The following MAOA variants were observed in gnomAD, a reference collection of about 807,000 sequenced individuals.
The protein encoded by MAOA is monoamine oxidase A.
In MAOA, 6 loss-of-function variants were observed where a neutral mutation model predicts 42.0. The ratio of observed to expected loss-of-function variants is 0.14; its 90% confidence interval spans 0.08 to 0.28. The LOEUF (loss-of-function observed/expected upper bound fraction) is 0.28, where lower values mean the gene tolerates loss of function less well. Among genes scored for constraint, MAOA ranks in the 10% least tolerant of loss-of-function variants. MAOA has a pLI of 1.00. For synonymous variants in MAOA, 140 were observed against 154.0 expected (o/e 0.91, Z 0.67); for missense variants, 262 against 422.3 (o/e 0.62, Z 3.33).
upstream of MAOA, chrX:43,656,253 G>T: frequency 2.4e-6 from 2 of 846,044 alleles, no homozygotes; most frequent in Non-Finnish European, 1.7e-6. Flanking sequence ...CCGCCCCCGG[G>T]CTCCCCGGGG....
At chrX:43,706,669 C>T (rs1005749506) in intron 3 of MAOA, among the ~76,000 whole-genome samples, 1 of 99,715 alleles carries the variant, frequency 1.0e-5, no homozygotes, top group African/African-American at 4.9e-5. Context: ...AAAAATTAGC[C>T]ATGCATAGTG....
intron 1 of MAOA, among the ~76,000 whole-genome samples, chrX:43,679,469 A>T (rs2033426002): frequency 9.1e-6 from 1 of 110,463 alleles, no homozygotes; most frequent in South Asian, 3.9e-4. Flanking sequence ...TGGAATATGG[A>T]GATAATGAAA....
rs769008571 is a variant in MAOA at position 43,712,316 on chromosome X, C to T, written c.411+340C>T. Among the ~76,000 whole-genome samples, 4 of 111,134 alleles carry T rather than the reference C, an allele frequency of 3.6e-5. No individual in the cohort carries two copies. The East Asian group carries it at 8.5e-4, about 24-fold the overall frequency. The stretch of plus-strand genomic sequence containing the variant: ...TACAGTTGTCTGTCTGTCTGTAATG[C>T]CATTTTAGATAGTAAAGGAGAGAAG... On this transcript the variant is annotated intron_variant, in intron 4 of 14. Transcript: ENST00000338702.
intron 3 of MAOA, among the ~76,000 whole-genome samples, chrX:43,706,108 T>G (rs1023740742): frequency 1.8e-5 from 2 of 112,288 alleles, no homozygotes; most frequent in Non-Finnish European, 3.8e-5. Flanking sequence ...AATTAAGGGC[T>G]TCTTCTCAGG....
intron 5 of MAOA, among the ~76,000 whole-genome samples, chrX:43,721,561 G>A (rs895474180): frequency 1.2e-4 from 13 of 111,083 alleles, no homozygotes; most frequent in Non-Finnish European, 3.8e-5. Flanking sequence ...GCTATAGCCT[G>A]GACATATTGG....
chrX:43,733,223 A>G (rs2147103727), intron 9 of MAOA, among the ~76,000 whole-genome samples: 1 of 112,595 alleles, frequency 8.9e-6, no homozygotes, highest in African/African-American at 3.2e-5. Flanking sequence ...GATATCTGCT[A>G]CATAGCAAAT....
chrX:43,666,857 A>G (rs893502010), intron 1 of MAOA, among the ~76,000 whole-genome samples: 2 of 109,235 alleles, frequency 1.8e-5, no homozygotes, highest in African/African-American at 3.3e-5. Flanking sequence ...CCTTTTTCCT[A>G]TCTTCCCCAT....
intron 1 of MAOA, among the ~76,000 whole-genome samples, chrX:43,659,353 C>T (rs2033214715): frequency 9.0e-6 from 1 of 111,595 alleles, no homozygotes. Context: ...CTTTAAAATG[C>T]TCTGGTCCTT....
chrX:43,659,664 C>G (rs951436864), intron 1 of MAOA, among the ~76,000 whole-genome samples: 3 of 111,298 alleles, frequency 2.7e-5, no homozygotes, highest in Non-Finnish European at 5.7e-5. Flanking sequence ...CATAGCTTAT[C>G]TGCTCCTGGG....
At chrX:43,680,796 G>A (rs948344994) in intron 1 of MAOA, among the ~76,000 whole-genome samples, 1 of 111,272 alleles carries the variant, frequency 9.0e-6, no homozygotes, top group Admixed American at 9.6e-5. Context: ...CCCCTCATTA[G>A]CTATTTGGTT....
rs774810311 is a variant in MAOA, at chrX:43,677,938, G to A, written c.74-5575G>A. 2.7e-5 allele frequency among the ~76,000 whole-genome samples: 3 copies of A among 111,499 alleles called. No individual in the cohort carries two copies. In the South Asian group the frequency reaches 1.1e-3, roughly 42 times the overall value. The stretch of plus-strand genomic sequence containing the variant: ...TTAGACCTCTTCTCTCAAAAACATG[G>A]GTGAGAGAATCACAAATTTTTGACA... On this transcript the variant is annotated intron_variant, in intron 1 of 14. Transcript: ENST00000338702.
rs2033996263 is a variant in MAOA, at chrX:43,745,970, GCCTAT to G, written c.*1462_*1466del. On this transcript the variant is annotated 3_prime_UTR_variant, in exon 15 of 15. Transcript: ENST00000338702. ...GAGGACATAAATCTTCCAAAGTTTT[GCCTAT>G]CCTAAGAGCTGCATTTTTCTACTGC... is the stretch of plus-strand genomic sequence containing the variant. The G allele has an allele frequency of 9.0e-6, 1 of 111,696 alleles. No individual in the cohort carries two copies. Among genetic ancestry groups the G allele is most frequent in the Non-Finnish European group, 1.9e-5 (1 of 53,144 alleles). The allele number at this position is 111,696 out of a possible 1,213,427, so 9.2% of individuals were successfully genotyped here. A position where few individuals can be genotyped will look rare whatever the true frequency, so the allele number is the denominator to read the frequency against.
chrX:43,699,404 G>A lies in MAOA; in HGVS notation c.306+5976G>A, dbSNP rs144863149. 9.9e-3 allele frequency among the ~76,000 whole-genome samples: 1,068 copies of A among 107,449 alleles called. 14 individuals carry two copies. The highest frequency in any genetic ancestry group is 0.034 in the African/African-American group (1,009 of 29,401). 93.3% of individuals were successfully genotyped at this position (107,449 alleles called of 115,157 possible). The stretch of plus-strand genomic sequence containing the variant: ...GAGTTTCCTGCACATCATAATGCAG[G>A]TAGGGTGAGGGGTATGGAGAGGGAG... On this transcript the variant is annotated intron_variant, in intron 3 of 14. Coordinates refer to ENST00000338702, the MANE Select transcript of MAOA (RefSeq NM_000240.4).
chrX:43,668,226 A>G (rs189154956), intron 1 of MAOA, among the ~76,000 whole-genome samples: 11 of 112,433 alleles, frequency 9.8e-5, no homozygotes, highest in Admixed American at 8.5e-4. Context: ...TTCTCCAGTT[A>G]TGAGTGAGAT....
intron 3 of MAOA, among the ~76,000 whole-genome samples, chrX:43,711,256 A>C (rs2033697530): frequency 8.9e-6 from 1 of 112,087 alleles, no homozygotes; most frequent in Non-Finnish European, 1.9e-5. Flanking sequence ...ATTTCCCAGA[A>C]AGAAACCAGG....
At position 43,692,695 on chromosome X, in the gene MAOA, TA is replaced by T. The variant is rs1311250573; in HGVS notation, c.169-591del. 2.7e-5 allele frequency among the ~76,000 whole-genome samples: 3 copies of T among 111,415 alleles called. No individual in the cohort carries two copies. In the South Asian group the frequency reaches 1.1e-3, roughly 42 times the overall value. On this transcript the variant is annotated intron_variant, in intron 2 of 14. Transcript: ENST00000338702. Reference sequence around the variant, plus strand: ...TAAATCATTGGAACTTTCCAATTAATAAAAACAGCTGAAAAGCATGGAGAAC... The same window carrying T: ...TAAATCATTGGAACTTTCCAATTAATAAAACAGCTGAAAAGCATGGAGAAC...
At position 43,743,660 on chromosome X, in the gene MAOA, G is replaced by T. The variant is rs972638006; in HGVS notation, c.1263-134G>T. 11 of 792,388 alleles carry T rather than the reference G, an allele frequency of 1.4e-5. No individual in the cohort carries two copies. In the Admixed American group the frequency reaches 1.9e-4, roughly 13 times the overall value. 65.3% of individuals were successfully genotyped at this position (792,388 alleles called of 1,213,427 possible). A position where few individuals can be genotyped will look rare whatever the true frequency, so the allele number is the denominator to read the frequency against. ...AGCAAAAAGTGGCCTTTCACCTTGG[G>T]CTAAGTCATACGGGTGTTTTTTAAA... On this transcript the variant is annotated intron_variant, in intron 12 of 14. Transcript: ENST00000338702.
chrX:43,671,228 C>T, intron 1 of MAOA, among the ~76,000 whole-genome samples: 1 of 103,143 alleles, frequency 9.7e-6, no homozygotes, highest in East Asian at 3.0e-4. Flanking sequence ...TTTTTGGCTG[C>T]ATAAATGTCT....
At position 43,671,804 on chromosome X, in the gene MAOA, C is replaced by G. The variant is rs1275247235; in HGVS notation, c.74-11709C>G. ...TCTGTTCTGTTCCATTGATCTATAT[C>G]TCTGTTTTGGTACCAGTACCATGCT... On this transcript the variant is annotated intron_variant, in intron 1 of 14. Coordinates refer to ENST00000338702, the MANE Select transcript of MAOA (RefSeq NM_000240.4). 9.0e-5 allele frequency among the ~76,000 whole-genome samples: 9 copies of G among 100,043 alleles called. No homozygotes were observed. In the East Asian group the frequency reaches 2.8e-3, roughly 31 times the overall value. The allele number at this position is 100,043 out of a possible 115,157, so 86.9% of individuals were successfully genotyped here. A position where few individuals can be genotyped will look rare whatever the true frequency, so the allele number is the denominator to read the frequency against.
Sources: gnomAD v4.1 joint callset for allele counts (sites outside exome capture counted in the v4.1 genomes callset) on GRCh38, gnomAD v4.1.1 for gene constraint, MANE v1.5 for transcripts, NCBI Gene and HGNC (gene_info 2026-07-23, HGNC 2026-07-21) for gene names.